Variants in SSH2 observed in about 807,000 individuals in gnomAD.
The protein encoded by SSH2 is protein phosphatase Slingshot homolog 2.
SSH2 carries 37 observed loss-of-function variants against 135.2 expected under a neutral mutation model. The ratio of observed to expected loss-of-function variants is 0.27; its 90% CI spans 0.21 to 0.36. SSH2 has a LOEUF of 0.36. SSH2 is among the 10% of genes least tolerant of loss of function. SSH2 has a pLI of 1.00. For missense variants in SSH2, 1,408 were observed against 1,765.3 expected (o/e 0.80, Z 3.63); for synonymous variants, 628 against 646.2 (o/e 0.97, Z 0.43).
chr17:29,656,846 TG>T (rs1449551540), intron 11 of SSH2, among the ~76,000 whole-genome samples: 1 of 152,220 alleles, frequency 6.6e-6, no homozygotes, highest in Non-Finnish European at 1.5e-5. Context: ...ACCAAAGAAA[TG>T]TAACATTAAC....
intron 2 of SSH2, among the ~76,000 whole-genome samples, chr17:29,795,811 G>A (rs1390493237): frequency 1.3e-5 from 2 of 151,616 alleles, no homozygotes; most frequent in African/African-American, 4.9e-5. Context: ...ATGCGATCTC[G>A]ACTCACTGCA....
chr17:29,722,060 A>C (rs1291734289), intron 3 of SSH2, among the ~76,000 whole-genome samples: 1 of 152,052 alleles, frequency 6.6e-6, no homozygotes, highest in Non-Finnish European at 1.5e-5. Flanking sequence ...GTGGATCACG[A>C]GGTCAGGAGT....
chr17:29,767,375 T>TC, intron 3 of SSH2, among the ~76,000 whole-genome samples: 1 of 97,726 alleles, frequency 1.0e-5, no homozygotes. Context: ...TTTTCTTTTT[T>TC]CTTTTTTTTT....
At chr17:29,761,379 G>A in intron 3 of SSH2, 1 of 1,067,992 alleles carries the variant, frequency 9.4e-7, no homozygotes, top group Non-Finnish European at 1.1e-6. Flanking sequence ...GGGCCCGCCG[G>A]GTCGCGCGGA....
At chr17:29,728,809 T>G (rs1424199437) in intron 3 of SSH2, among the ~76,000 whole-genome samples, 1 of 152,210 alleles carries the variant, frequency 6.6e-6, no homozygotes, top group Non-Finnish European at 1.5e-5. Context: ...AAGGAGAGTC[T>G]CTTCAATAAA....
intron 3 of SSH2, among the ~76,000 whole-genome samples, chr17:29,748,844 G>A (rs758164469): frequency 1.3e-5 from 2 of 152,196 alleles, no homozygotes; most frequent in Non-Finnish European, 2.9e-5. Context: ...GACATAAGCT[G>A]GACGAAGACA....
chr17:29,825,755 G>C (rs2042731584), intron 2 of SSH2, among the ~76,000 whole-genome samples: 1 of 152,172 alleles, frequency 6.6e-6, no homozygotes, highest in Non-Finnish European at 1.5e-5. Context: ...CCACATAAGA[G>C]GAATTGTTAT....
intron 1 of SSH2, among the ~76,000 whole-genome samples, chr17:29,897,314 C>T (rs939634031): frequency 6.6e-6 from 1 of 152,056 alleles, no homozygotes; most frequent in Non-Finnish European, 1.5e-5. Context: ...CCTAAATGCT[C>T]CAATTAAAAG....
chr17:29,767,890 A>G (rs1403517685), intron 3 of SSH2, among the ~76,000 whole-genome samples: 1 of 152,194 alleles, frequency 6.6e-6, no homozygotes, highest in East Asian at 1.9e-4. Context: ...TGTTCATGTC[A>G]TGACAGGGAT....
At chr17:29,682,349 T>C (rs1205309751) in intron 6 of SSH2, among the ~76,000 whole-genome samples, 2 of 152,220 alleles carry the variant, frequency 1.3e-5, no homozygotes, top group African/African-American at 2.4e-5. Context: ...GCTGTCCAAC[T>C]GAACTTTCTG....
chr17:29,779,809 T>TA (rs1567969193), intron 3 of SSH2, among the ~76,000 whole-genome samples: 1 of 10,764 alleles, frequency 9.3e-5, no homozygotes. Context: ...AGACTCTGTC[T>TA]CAAAAAAAAA....
At chr17:29,814,432 C>CAAAAAA (rs1179862061) in intron 2 of SSH2, among the ~76,000 whole-genome samples, 44 of 38,890 alleles carry the variant, frequency 1.1e-3, no homozygotes, top group South Asian at 2.6e-3. Flanking sequence ...GACTCTGTCT[C>CAAAAAA]AAAAAAAAAA....
intron 9 of SSH2, among the ~76,000 whole-genome samples, chr17:29,670,961 G>A (rs934000302): frequency 9.2e-5 from 14 of 152,168 alleles, no homozygotes; most frequent in Non-Finnish European, 7.4e-5. Context: ...ACATCATGAC[G>A]AATTTACAAA....
chr17:29,675,533 C>T (rs1300940504), intron 8 of SSH2, among the ~76,000 whole-genome samples: 1 of 152,088 alleles, frequency 6.6e-6, no homozygotes, highest in Non-Finnish European at 1.5e-5. Context: ...GTGGCTCACA[C>T]CTGCAATCTC....
intron 3 of SSH2, among the ~76,000 whole-genome samples, chr17:29,741,371 T>C (rs1456203844): frequency 2.6e-5 from 4 of 152,146 alleles, no homozygotes; most frequent in African/African-American, 9.7e-5. Flanking sequence ...TTTAGGGACA[T>C]GGGCAAAGAT....
At chr17:29,696,693 G>A (rs1157233192) in intron 4 of SSH2, among the ~76,000 whole-genome samples, 1 of 148,540 alleles carries the variant, frequency 6.7e-6, no homozygotes, top group East Asian at 2.1e-4. Flanking sequence ...GTGTGTGTGT[G>A]TGTATTTTTT....
rs1355108059 is a variant in SSH2 at position 29,638,553 on chromosome 17, CACACACACAG to C, written c.1428-1761_1428-1752del. On this transcript the variant is annotated intron_variant, in intron 14 of 15. Transcript: ENST00000540801. ...ACACACACACACACACACACACACACACACACACAGAGACAGGGTATCACACTGCCACCAG... is the reference window on the plus strand; with the variant it reads ...ACACACACACACACACACACACACACAGACAGGGTATCACACTGCCACCAG... Among the ~76,000 whole-genome samples, 98 of 146,414 alleles carry C rather than the reference CACACACACAG, an allele frequency of 6.7e-4. 1 individual carries two copies. Among genetic ancestry groups the C allele is most frequent in the African/African-American group, 1.2e-3 (44 of 37,906 alleles).
intron 14 of SSH2, chr17:29,640,810 C>G (rs563686161): frequency 3.3e-5 from 5 of 151,502 alleles, no homozygotes; most frequent in South Asian, 2.1e-4. Flanking sequence ...TTATCATTCC[C>G]TTTTTTTTTC....
intron 2 of SSH2, among the ~76,000 whole-genome samples, chr17:29,815,233 C>T (rs1054447775): frequency 4.6e-5 from 7 of 151,814 alleles, no homozygotes; most frequent in Admixed American, 2.0e-4. Flanking sequence ...CAAGTGATCC[C>T]CTGCCTCAGC....
Sources: gnomAD v4.1 joint callset for allele counts (sites outside exome capture counted in the v4.1 genomes callset) on GRCh38, gnomAD v4.1.1 for gene constraint, MANE v1.5 for transcripts, NCBI Gene and HGNC (gene_info 2026-07-23, HGNC 2026-07-21) for gene names.